Variants in ADRA1B observed in about 807,000 individuals in gnomAD.
ADRA1B encodes alpha-1B adrenergic receptor.
In ADRA1B, 17 loss-of-function variants were observed where a neutral mutation model predicts 17.9. The observed-to-expected ratio is 0.95, with a 90% CI of 0.65 to 1.42. The LOEUF is 1.42. ADRA1B is among the 40% of genes most tolerant of loss of function. The pLI is 0.00. For missense variants in ADRA1B, 681 were observed against 722.1 expected, an observed-to-expected ratio of 0.94 and a Z score of 0.65; for synonymous variants, 366 against 327.6, an observed-to-expected ratio of 1.12 and a Z score of -1.27.
intron 1 of ADRA1B, among the ~76,000 whole-genome samples, chr5:159,924,458 G>C (rs1754585761): frequency 6.6e-6 from 1 of 152,178 alleles, no homozygotes; most frequent in Non-Finnish European, 1.5e-5. Flanking sequence ...GAAAACGGGA[G>C]GGAGGAAGGA....
At chr5:159,981,865 A>T in the ADRA1B span, among the ~76,000 whole-genome samples, 1 of 152,222 alleles carries the variant, frequency 6.6e-6, no homozygotes, top group Non-Finnish European at 1.5e-5. Flanking sequence ...ATCCCCAGTG[A>T]TGCATACTTA....
At chr5:159,895,136 C>G (rs536128974) in intron 1 of ADRA1B, among the ~76,000 whole-genome samples, 20 of 152,288 alleles carry the variant, frequency 1.3e-4, no homozygotes, top group Non-Finnish European at 2.1e-4. Flanking sequence ...TCTATGCAGC[C>G]CACACGCTCT....
At chr5:159,869,693 G>T (rs1431436411) in intron 1 of ADRA1B, 1 of 152,276 alleles carries the variant, frequency 6.6e-6, no homozygotes, top group African/African-American at 2.4e-5. Flanking sequence ...GCATCCCTGG[G>T]TTTAAGTCTC....
chr5:159,905,806 G>A (rs1754156371), intron 1 of ADRA1B, among the ~76,000 whole-genome samples: 1 of 152,144 alleles, frequency 6.6e-6, no homozygotes, highest in South Asian at 2.1e-4. Context: ...GAGCTGAGGT[G>A]TGATGAATGG....
At chr5:159,902,715 C>T (rs1561586102) in intron 1 of ADRA1B, among the ~76,000 whole-genome samples, 1 of 152,160 alleles carries the variant, frequency 6.6e-6, no homozygotes, top group Non-Finnish European at 1.5e-5. Context: ...GGCACAAAGC[C>T]CTTGCTCAAC....
At chr5:159,885,081 T>G (rs1167333864) in intron 1 of ADRA1B, among the ~76,000 whole-genome samples, 1 of 152,146 alleles carries the variant, frequency 6.6e-6, no homozygotes, top group Non-Finnish European at 1.5e-5. Flanking sequence ...CATCAGAAGA[T>G]GCAGGGACCA....
In ADRA1B at chr5:159,972,162, C is replaced by A; in HGVS notation, c.1233C>A (p.Gly411=). 7.3e-7 allele frequency: 1 copy of A among 1,363,958 alleles called. No homozygotes were observed. The highest frequency in any genetic ancestry group is 9.5e-7 in the Non-Finnish European group (1 of 1,050,074). The allele number at this position is 1,363,958 out of a possible 1,614,324, so 84.5% of individuals were successfully genotyped here. Residue 411 remains glycine (G), a synonymous_variant, in exon 2 of 2, where the codon GGC becomes GGA. Transcript: ENST00000306675. The part of the protein sequence containing the change: ...QSRKDSLDDS[G]SCLSGSQRTL... The stretch of plus-strand genomic sequence containing the variant: ...GCAAGGACTCGCTGGACGACAGCGG[C>A]AGCTGCCTGAGCGGCAGCCAGCGGA...
chr5:159,912,080 G>A (rs1312983156), upstream of ADRA1B, among the ~76,000 whole-genome samples: 1 of 152,260 alleles, frequency 6.6e-6, no homozygotes, highest in Non-Finnish European at 1.5e-5. Context: ...TGGGCCCAAC[G>A]CCTGGCACCT....
chr5:159,916,863 C>T lies in ADRA1B; in HGVS notation c.-43C>T, dbSNP rs1042398773. On this transcript the variant is annotated 5_prime_UTR_variant, in exon 1 of 2. Coordinates refer to ENST00000306675, the MANE Select transcript of ADRA1B (RefSeq NM_000679.4). ...CTGAGGAGCCTTCGCCGCAGCCCTT[C>T]CGAGCCCAATCATCCCCCTGGCTAT... The T allele has an allele frequency of 1.3e-6, 2 of 1,553,682 alleles. No homozygotes were observed. Among genetic ancestry groups the T allele is most frequent in the African/African-American group, 1.4e-5 (1 of 73,288 alleles).
chr5:159,972,205 C>T lies in ADRA1B; in HGVS notation c.1276C>T (p.Pro426Ser). The T allele has an allele frequency of 7.3e-7, 1 of 1,363,366 alleles. No homozygotes were observed. Among genetic ancestry groups the T allele is most frequent in the Non-Finnish European group, 9.5e-7 (1 of 1,053,608 alleles). 84.5% of individuals were successfully genotyped at this position (1,363,366 alleles called of 1,614,324 possible). A position where few individuals can be genotyped will look rare whatever the true frequency, so the allele number is the denominator to read the frequency against. Residue 426 changes from proline (P) to serine (S), a missense_variant, in exon 2 of 2, where the codon CCG becomes TCG. Pro to Ser is a moderately conservative substitution (Grantham distance 74). This residue lies in a region of ADRA1B where 251 missense variants were observed against 224.9 expected (regional missense o/e 1.12). Coordinates refer to ENST00000306675, the MANE Select transcript of ADRA1B (RefSeq NM_000679.4). ...CCAGCGGACCCTGCCCTCGGCCTCG[C>T]CGAGCCCGGGCTACCTGGGCCGCGG... is the stretch of plus-strand genomic sequence containing the variant. ...GSQRTLPSASPSPGYLGRGAP... is the reference protein window; with the variant it reads ...GSQRTLPSASSSPGYLGRGAP...
chr5:159,950,600 T>G (rs1755408529), intron 1 of ADRA1B: 2 of 1,004,340 alleles, frequency 2.0e-6, no homozygotes, highest in Non-Finnish European at 3.2e-6. Flanking sequence ...TTGAGGGCAA[T>G]GCCGGCCCCA....
chr5:159,909,423 C>A (rs982456804), intron 1 of ADRA1B, among the ~76,000 whole-genome samples: 3 of 152,186 alleles, frequency 2.0e-5, no homozygotes, highest in Non-Finnish European at 4.4e-5. Flanking sequence ...AAAAGGTTCC[C>A]ACCACTTCCT....
downstream of ADRA1B, among the ~76,000 whole-genome samples, chr5:159,974,852 C>G (rs1446520614): frequency 1.3e-5 from 2 of 152,160 alleles, no homozygotes; most frequent in African/African-American, 4.8e-5. Flanking sequence ...CCAACTCCCT[C>G]AATTTTACAC....
downstream of ADRA1B, among the ~76,000 whole-genome samples, chr5:159,976,864 A>G (rs1425011704): frequency 2.5e-4 from 38 of 152,284 alleles, no homozygotes; most frequent in Non-Finnish European, 4.4e-5. Flanking sequence ...GGCCCTGAGC[A>G]TGCACCTGGA....
the ADRA1B span, among the ~76,000 whole-genome samples, chr5:159,986,571 A>G: frequency 2.0e-5 from 3 of 152,202 alleles, no homozygotes; most frequent in Non-Finnish European, 4.4e-5. Context: ...AGAGAGGAGA[A>G]GAATCACTCA....
At chr5:159,878,874 C>G (rs778971551) in intron 1 of ADRA1B, among the ~76,000 whole-genome samples, 16 of 152,198 alleles carry the variant, frequency 1.1e-4, no homozygotes, top group Non-Finnish European at 2.1e-4. Flanking sequence ...CTTCTCTGTG[C>G]TTGGTGCCAG....
At chr5:159,937,697 G>A (rs67194286) in intron 1 of ADRA1B, 17,869 of 152,038 alleles carry the variant, frequency 0.12, 1,316 homozygotes, top group Non-Finnish European at 0.16. Flanking sequence ...ATCCTCCCAC[G>A]TCGGCCTCCC....
intron 1 of ADRA1B, among the ~76,000 whole-genome samples, chr5:159,901,035 A>T (rs564745943): frequency 6.6e-6 from 1 of 152,036 alleles, no homozygotes; most frequent in Non-Finnish European, 1.5e-5. Flanking sequence ...CTGCCTATGG[A>T]TATACTTATT....
At chr5:159,957,376 C>T (rs568035489) in intron 1 of ADRA1B, among the ~76,000 whole-genome samples, 5 of 151,346 alleles carry the variant, frequency 3.3e-5, no homozygotes, top group Non-Finnish European at 5.9e-5. Context: ...TGCCATTGTG[C>T]GCACCTTTAG....
Sources: gnomAD v4.1 joint callset for allele counts (sites outside exome capture counted in the v4.1 genomes callset) on GRCh38, gnomAD v4.1.1 for gene constraint, gnomAD v4.1.1 regional missense constraint, MANE v1.5 for transcripts, NCBI Gene and HGNC (gene_info 2026-07-23, HGNC 2026-07-21) for gene names.